KCNQ1: variants seen among roughly 807,000 people sequenced by gnomAD.
KCNQ1 encodes potassium voltage-gated channel subfamily KQT member 1.
Under a neutral mutation model 72.4 loss-of-function variants are expected in KCNQ1, and 49 were observed. That is an observed-to-expected ratio of 0.68 (90% confidence interval 0.54 to 0.86). The LOEUF (loss-of-function observed/expected upper bound fraction) is 0.86, where lower values mean the gene tolerates loss of function less well. KCNQ1 is among the 40% of genes least tolerant of loss of function. The pLI is 0.00. For synonymous variants in KCNQ1, 450 were observed against 412.6 expected, an observed-to-expected ratio of 1.09 and a Z score of -1.10; for missense variants, 790 against 945.1, an observed-to-expected ratio of 0.84 and a Z score of 2.15.
intron 15 of KCNQ1, among the ~76,000 whole-genome samples, chr11:2,834,565 C>T (rs1848022564): frequency 2.0e-5 from 3 of 152,170 alleles, no homozygotes; most frequent in Admixed American, 1.3e-4. Context: ...GCTGGGCCCA[C>T]CTGTGAGGTG....
intron 1 of KCNQ1, among the ~76,000 whole-genome samples, chr11:2,460,140 C>T (rs1312652181): frequency 1.3e-5 from 2 of 152,092 alleles, no homozygotes; most frequent in African/African-American, 2.4e-5. Flanking sequence ...CAGAGGTGTC[C>T]GGAGATGCAA....
At chr11:2,694,647 A>G (rs891113661) in intron 11 of KCNQ1, 1 of 398,494 alleles carries the variant, frequency 2.5e-6, no homozygotes, top group Non-Finnish European at 4.4e-6. Context: ...GAAATCTGTG[A>G]CACACCCACC....
chr11:2,750,632 C>T lies in KCNQ1; in HGVS notation c.1515-18212C>T, dbSNP rs1223440732. Among the ~76,000 whole-genome samples the T allele has an allele frequency of 6.6e-6, 1 of 152,194 alleles. No homozygotes were observed. Among genetic ancestry groups the T allele is most frequent in the Non-Finnish European group, 1.5e-5 (1 of 68,022 alleles). On this transcript the variant is annotated intron_variant, in intron 11 of 15. Coordinates refer to ENST00000155840, the MANE Select transcript of KCNQ1 (RefSeq NM_000218.3). The surrounding 1 kb of genome is among the most constrained non-coding windows in gnomAD (Gnocchi z 6.3). The stretch of plus-strand genomic sequence containing the variant: ...TTTCTAGACGAAGACCAGTAAGAAG[C>T]CCATGTCATTCTTCTGAGACATTAG...
rs199472813 is a variant in KCNQ1, at chr11:2,778,011, G to A, written c.1768G>A (p.Ala590Thr). Residue 590 changes from alanine to threonine, a missense_variant, in exon 15 of 16, where the codon GCC becomes ACC. This residue lies in a region of KCNQ1 where 91 missense variants were observed against 139.1 expected (regional missense o/e 0.65). Coordinates refer to ENST00000155840, the MANE Select transcript of KCNQ1 (RefSeq NM_000218.3). ...GGATCGCGGCAGCAACACGATCGGC[G>A]CCCGCCTGAACCGAGTAGAAGACAA... ...SKDRGSNTIG[A>T]RLNRVEDKVT... The A allele has an allele frequency of 5.0e-6, 8 of 1,613,536 alleles. No individual in the cohort carries two copies. Among genetic ancestry groups the A allele is most frequent in the African/African-American group, 1.3e-5 (1 of 74,914 alleles).
rs148678221 is a variant in KCNQ1, at chr11:2,663,589, G to A, written c.1514+1508G>A. Reference sequence around the variant, plus strand: ...GCTTGCTTCTCCTGTTGGAGCTCTCGCTCACCTTGGTTCTCTTGGTCACGG... The same window carrying A: ...GCTTGCTTCTCCTGTTGGAGCTCTCACTCACCTTGGTTCTCTTGGTCACGG... On this transcript the variant is annotated intron_variant, in intron 11 of 15. Transcript: ENST00000155840. This position sits in a 1 kb window ranked among gnomAD's most constrained non-coding sequence, Gnocchi z 5.2. 230 of 398,572 alleles carry A rather than the reference G, an allele frequency of 5.8e-4. 1 individual carries two copies. The highest frequency in any genetic ancestry group is 3.6e-3 in the African/African-American group (175 of 48,704). The allele number at this position is 398,572 out of a possible 1,614,324, so 24.7% of individuals were successfully genotyped here. A position where few individuals can be genotyped will look rare whatever the true frequency, so the allele number is the denominator to read the frequency against.
At chr11:2,572,754 G>A (rs1284826848) in intron 5 of KCNQ1, 92 bp from the exon 6 acceptor site, 7 of 1,555,252 alleles carry the variant, frequency 4.5e-6, no homozygotes, top group East Asian at 2.3e-5. Flanking sequence ...AGGACGCCCA[G>A]TGATCGCTGG....
chr11:2,741,421 G>A (rs998943839), intron 11 of KCNQ1, among the ~76,000 whole-genome samples: 1 of 152,150 alleles, frequency 6.6e-6, no homozygotes, highest in Non-Finnish European at 1.5e-5. Context: ...AAGGCCCTGT[G>A]TGCCCCCTCG....
In KCNQ1 at chr11:2,798,252, C is replaced by T. The variant is rs1847179652; in HGVS notation, c.1794+20215C>T. ...GTCCACGCCCTGGGTTCCCAACCAC[C>T]CTTCCCCTCCTGGTCACCTTTCGGC... On this transcript the variant is annotated intron_variant, in intron 15 of 15. Transcript: ENST00000155840. Among the ~76,000 whole-genome samples the T allele has an allele frequency of 2.0e-5, 3 of 152,180 alleles. No homozygotes were observed. The South Asian group carries it at 6.2e-4, about 31-fold the overall frequency.
rs142991091 is a variant in KCNQ1, at chr11:2,652,722, T to A, written c.1394-9239T>A. On this transcript the variant is annotated intron_variant, in intron 10 of 15. Transcript: ENST00000155840. This position sits in a 1 kb window ranked among gnomAD's most constrained non-coding sequence, Gnocchi z 5.9. ...CTCTCTTTCCGTTTCCTGGGCTCAC[T>A]CACGCTCAGGGTTGACCCTGTCCTG... The A allele has an allele frequency of 3.6e-4, 144 of 398,914 alleles. 2 individuals carry two copies. The East Asian group carries it at 5.1e-3, about 14-fold the overall frequency. The allele number at this position is 398,914 out of a possible 1,614,324, so 24.7% of individuals were successfully genotyped here.
chr11:2,589,766 G>A (rs1564826856), intron 10 of KCNQ1, among the ~76,000 whole-genome samples: 1 of 152,208 alleles, frequency 6.6e-6, no homozygotes, highest in Non-Finnish European at 1.5e-5. Flanking sequence ...CTGTGGTGAT[G>A]CCAGGGCATC....
intron 15 of KCNQ1, among the ~76,000 whole-genome samples, chr11:2,805,568 T>C (rs1468697676): frequency 2.0e-5 from 3 of 152,218 alleles, no homozygotes; most frequent in African/African-American, 7.2e-5. Flanking sequence ...CGCCCACCGG[T>C]GGACACATCG....
chr11:2,728,973 T>G (rs923768949), intron 11 of KCNQ1, among the ~76,000 whole-genome samples: 6 of 152,244 alleles, frequency 3.9e-5, no homozygotes, highest in African/African-American at 1.4e-4. Flanking sequence ...AGGTGTTGAT[T>G]GGTTCTGGGA....
rs1220659787 is a variant in KCNQ1, at chr11:2,600,371, G to A, written c.1393+11517G>A. ...TGAACTACAGAAAAATTACAAGCAC[G>A]AGATATAAAAACACCTACATACCCT... On this transcript the variant is annotated intron_variant, in intron 10 of 15. Coordinates refer to ENST00000155840, the MANE Select transcript of KCNQ1 (RefSeq NM_000218.3). This position sits in a 1 kb window ranked among gnomAD's most constrained non-coding sequence, Gnocchi z 5.6. 1.3e-5 allele frequency among the ~76,000 whole-genome samples: 2 copies of A among 152,226 alleles called. No homozygotes were observed. The highest frequency in any genetic ancestry group is 2.9e-5 in the Non-Finnish European group (2 of 68,008).
chr11:2,546,711 A>C (rs1589942957), intron 2 of KCNQ1, among the ~76,000 whole-genome samples: 1 of 152,146 alleles, frequency 6.6e-6, no homozygotes, highest in Non-Finnish European at 1.5e-5. Context: ...ATAGTTGTAC[A>C]TATTTATGGA....
rs113173257 is a variant in KCNQ1, at chr11:2,696,392, C to T, written c.1514+34311C>T. On this transcript the variant is annotated intron_variant, in intron 11 of 15. Coordinates refer to ENST00000155840, the MANE Select transcript of KCNQ1 (RefSeq NM_000218.3). ...CTGATATGTGGTGCCACCTTTATCACATGTCCCCTTCCTCTAGACTTGGAG... is the reference window on the plus strand; with the variant it reads ...CTGATATGTGGTGCCACCTTTATCATATGTCCCCTTCCTCTAGACTTGGAG... 470 of 398,670 alleles carry T rather than the reference C, an allele frequency of 1.2e-3. 1 individual carries two copies. Among genetic ancestry groups the T allele is most frequent in the African/African-American group, 8.1e-3 (396 of 48,750 alleles). The allele number at this position is 398,670 out of a possible 1,614,324, so 24.7% of individuals were successfully genotyped here. A position where few individuals can be genotyped will look rare whatever the true frequency, so the allele number is the denominator to read the frequency against.
Position 2,687,251 on chromosome 11 carries a change from G to A in KCNQ1, c.1514+25170G>A. On this transcript the variant is annotated intron_variant, in intron 11 of 15. Coordinates refer to ENST00000155840, the MANE Select transcript of KCNQ1 (RefSeq NM_000218.3). This position sits in a 1 kb window ranked among gnomAD's most constrained non-coding sequence, Gnocchi z 5.0. ...TTTCACTCAGCCAGCATCACTACCA[G>A]CTCCGGGCTTCTCTCCTCTGGCCTC... is the stretch of plus-strand genomic sequence containing the variant. The A allele has an allele frequency of 2.5e-6, 1 of 398,658 alleles. No individual in the cohort carries two copies. The highest frequency in any genetic ancestry group is 4.4e-6 in the Non-Finnish European group (1 of 226,080). 24.7% of individuals were successfully genotyped at this position (398,658 alleles called of 1,614,324 possible).
At chr11:2,607,140 T>G (rs902501484) in intron 10 of KCNQ1, among the ~76,000 whole-genome samples, 1 of 152,064 alleles carries the variant, frequency 6.6e-6, no homozygotes, top group Non-Finnish European at 1.5e-5. Flanking sequence ...CCTGACCTCG[T>G]GATCCACCCG....
rs139409282 is a variant in KCNQ1, at chr11:2,833,772, G to A, written c.1795-13995G>A. On this transcript the variant is annotated intron_variant, in intron 15 of 15. Transcript: ENST00000155840. The stretch of plus-strand genomic sequence containing the variant: ...GGGGCAAGTGCCCCGAGACGGGACC[G>A]AGACAACAGTGGGGAAGGTGGGACA... 1.8e-3 allele frequency among the ~76,000 whole-genome samples: 274 copies of A among 152,366 alleles called. 2 individuals are homozygous for A. The East Asian group carries it at 0.026, about 14-fold the overall frequency.
At position 2,715,150 on chromosome 11, in the gene KCNQ1, C is replaced by T. The variant is rs1310434437; in HGVS notation, c.1514+53069C>T. On this transcript the variant is annotated intron_variant, in intron 11 of 15. Transcript: ENST00000155840. This position sits in a 1 kb window ranked among gnomAD's most constrained non-coding sequence, Gnocchi z 4.9. ...CAAACATGAGATGCCCCTCACCCAT[C>T]CTCCCATGAACCTCAGCATGGGCAC... Among the ~76,000 whole-genome samples the T allele has an allele frequency of 6.6e-6, 1 of 152,154 alleles. No individual in the cohort carries two copies. Among genetic ancestry groups the T allele is most frequent in the Non-Finnish European group, 1.5e-5 (1 of 68,014 alleles).
Sources: gnomAD v4.1 joint callset for allele counts (sites outside exome capture counted in the v4.1 genomes callset) on GRCh38, gnomAD v4.1.1 for gene constraint, gnomAD v4.1.1 regional missense constraint, Gnocchi (gnomAD v3.1) non-coding constraint, MANE v1.5 for transcripts, NCBI Gene and HGNC (gene_info 2026-07-23, HGNC 2026-07-21) for gene names.